Variants in LUZP2 observed in about 807,000 individuals in gnomAD.
LUZP2 encodes leucine zipper protein 2.
Under a neutral mutation model 51.6 loss-of-function variants are expected in LUZP2, and 52 were observed. That is an observed-to-expected ratio of 1.01 (90% CI 0.81 to 1.27). LUZP2 has a LOEUF of 1.27. LUZP2 is among the 50% of genes most tolerant of loss of function. The pLI, the probability that LUZP2 is intolerant of heterozygous loss-of-function variation, is 0.00. For synonymous variants in LUZP2, 154 were observed against 137.3 expected, an observed-to-expected ratio of 1.12 and a Z score of -0.85; for missense variants, 436 against 395.4, an observed-to-expected ratio of 1.10 and a Z score of -0.87.
chr11:24,573,527 G>T (rs1852508433), intron 1 of LUZP2, among the ~76,000 whole-genome samples: 1 of 151,894 alleles, frequency 6.6e-6, no homozygotes, highest in Non-Finnish European at 1.5e-5. Context: ...ATTATTATCT[G>T]GCAGTTGCAT....
chr11:24,617,215 A>AT lies in LUZP2; in HGVS notation c.63-111944dup, dbSNP rs35027145. 2.1e-3 allele frequency among the ~76,000 whole-genome samples: 315 copies of AT among 147,972 alleles called. No homozygotes were observed. The East Asian group carries it at 0.025, about 12-fold the overall frequency. On this transcript the variant is annotated intron_variant, in intron 1 of 11. Transcript: ENST00000336930. ...TTTCTATCAATCTTCATGTTCACTG[A>AT]TTTTTTTTTTCCCTCTGTACTTTCT...
intron 9 of LUZP2, among the ~76,000 whole-genome samples, chr11:24,991,681 C>T (rs570272573): frequency 1.3e-4 from 20 of 151,918 alleles, no homozygotes; most frequent in African/African-American, 4.6e-4. Flanking sequence ...TTTACATTCC[C>T]GCCAGCAGTG....
intron 1 of LUZP2, among the ~76,000 whole-genome samples, chr11:24,573,047 G>A (rs1852492830): frequency 6.6e-6 from 1 of 151,954 alleles, no homozygotes; most frequent in Admixed American, 6.6e-5. Flanking sequence ...AAAACAGCAT[G>A]AGACCATGAT....
intron 1 of LUZP2, among the ~76,000 whole-genome samples, chr11:24,625,083 A>T (rs566841031): frequency 6.6e-6 from 1 of 152,278 alleles, no homozygotes; most frequent in South Asian, 2.1e-4. Context: ...ATTAAGCCAG[A>T]TGCAGAAAGA....
At position 24,826,190 on chromosome 11, in the gene LUZP2, A is replaced by AAAAAAAATATATAT. The variant is rs1215786412; in HGVS notation, c.396+62883_396+62884insAAAAAATATATATA. Among the ~76,000 whole-genome samples, 231 of 67,550 alleles carry AAAAAAAATATATAT rather than the reference A, an allele frequency of 3.4e-3. 8 individuals are homozygous for AAAAAAAATATATAT. Among genetic ancestry groups the AAAAAAAATATATAT allele is most frequent in the African/African-American group, 0.012 (199 of 16,986 alleles). 44.3% of individuals were successfully genotyped at this position (67,550 alleles called of 152,430 possible). The stretch of plus-strand genomic sequence containing the variant: ...GACTCCATCTCAAAAAAAAAAAAAA[A>AAAAAAAATATATAT]ATATATATATATATATATAGTAAAA... On this transcript the variant is annotated intron_variant, in intron 5 of 11. Coordinates refer to ENST00000336930, the MANE Select transcript of LUZP2 (RefSeq NM_001009909.4).
intron 5 of LUZP2, among the ~76,000 whole-genome samples, chr11:24,834,086 T>C (rs892648350): frequency 2.0e-5 from 3 of 152,102 alleles, no homozygotes; most frequent in Non-Finnish European, 4.4e-5. Context: ...CCCTATATGG[T>C]ATTTTTTTTT....
At chr11:24,574,425 T>G (rs2133808267) in intron 1 of LUZP2, among the ~76,000 whole-genome samples, 1 of 150,526 alleles carries the variant, frequency 6.6e-6, no homozygotes, top group South Asian at 2.1e-4. Context: ...GTGTATGTAT[T>G]TGTGTGTTAG....
At chr11:24,568,522 C>A (rs1420684577) in intron 1 of LUZP2, among the ~76,000 whole-genome samples, 1 of 151,402 alleles carries the variant, frequency 6.6e-6, no homozygotes, top group Non-Finnish European at 1.5e-5. Context: ...AAAAACAGAG[C>A]CCTAAAATTT....
At chr11:24,790,953 T>G (rs1034757472) in intron 5 of LUZP2, among the ~76,000 whole-genome samples, 1 of 152,226 alleles carries the variant, frequency 6.6e-6, no homozygotes, top group Non-Finnish European at 1.5e-5. Flanking sequence ...ATGAGTGTCA[T>G]TGACCAATGT....
At chr11:24,957,996 G>C (rs886101984) in intron 7 of LUZP2, among the ~76,000 whole-genome samples, 8 of 152,086 alleles carry the variant, frequency 5.3e-5, no homozygotes, top group African/African-American at 1.7e-4. Context: ...GTGAGAATAT[G>C]CGATGTTTGG....
intron 1 of LUZP2, among the ~76,000 whole-genome samples, chr11:24,681,264 A>G (rs1856728851): frequency 6.6e-6 from 1 of 151,852 alleles, no homozygotes; most frequent in Non-Finnish European, 1.5e-5. Context: ...TACAGGTGTG[A>G]GCCACCGCGC....
At chr11:24,699,793 G>A (rs1857369065) in intron 1 of LUZP2, among the ~76,000 whole-genome samples, 1 of 148,828 alleles carries the variant, frequency 6.7e-6, no homozygotes, top group African/African-American at 2.4e-5. Flanking sequence ...TAATTTGGGA[G>A]TTAATAGAAT....
At chr11:24,699,688 G>GAC (rs1008410490) in intron 1 of LUZP2, among the ~76,000 whole-genome samples, 48 of 99,958 alleles carry the variant, frequency 4.8e-4, no homozygotes, top group East Asian at 1.3e-3. Flanking sequence ...TATATACACA[G>GAC]ACACACACAC....
chr11:24,566,315 ATTAT>A (rs1389026376), intron 1 of LUZP2, among the ~76,000 whole-genome samples: 13 of 41,418 alleles, frequency 3.1e-4, no homozygotes, highest in African/African-American at 8.2e-4. Context: ...TATTTATTGT[ATTAT>A]TTATTTATTT....
intron 7 of LUZP2, among the ~76,000 whole-genome samples, chr11:24,958,240 T>C (rs34053280): frequency 0.37 from 56,430 of 151,962 alleles, 12,641 homozygotes; most frequent in East Asian, 0.7. Context: ...TATAGCAGCA[T>C]GATTTATAGT....
rs7952651 is a variant in LUZP2 at position 24,641,849 on chromosome 11, C to T, written c.63-87320C>T. On this transcript the variant is annotated intron_variant, in intron 1 of 11. Coordinates refer to ENST00000336930, the MANE Select transcript of LUZP2 (RefSeq NM_001009909.4). ...ATAACACATTTCAAAATGTCAAAATCAAATAGTTCTCGAATTATTCAGTAG... is the reference window on the plus strand; with the variant it reads ...ATAACACATTTCAAAATGTCAAAATTAAATAGTTCTCGAATTATTCAGTAG... Among the ~76,000 whole-genome samples the T allele has an allele frequency of 1.5e-3, 221 of 151,940 alleles. 6 individuals carry two copies. Among genetic ancestry groups the T allele is most frequent in the African/African-American group, 5.0e-3 (207 of 41,278 alleles).
At chr11:24,870,712 T>A (rs1852043149) in intron 5 of LUZP2, among the ~76,000 whole-genome samples, 1 of 152,152 alleles carries the variant, frequency 6.6e-6, no homozygotes, top group African/African-American at 2.4e-5. Context: ...TTTTTATTTC[T>A]GCCACAGACT....
At chr11:24,970,492 G>T (rs534904224) in intron 7 of LUZP2, among the ~76,000 whole-genome samples, 11 of 152,152 alleles carry the variant, frequency 7.2e-5, no homozygotes, top group Non-Finnish European at 1.5e-4. Flanking sequence ...GGTGAAGGGA[G>T]AATTTTTAAA....
chr11:24,547,778 A>T (rs2133738392), intron 1 of LUZP2, among the ~76,000 whole-genome samples: 1 of 152,318 alleles, frequency 6.6e-6, no homozygotes, highest in Non-Finnish European at 1.5e-5. Flanking sequence ...GTAAACTGAC[A>T]TCCTACAAAG....
Sources: gnomAD v4.1 joint callset for allele counts (sites outside exome capture counted in the v4.1 genomes callset) on GRCh38, gnomAD v4.1.1 for gene constraint, MANE v1.5 for transcripts, NCBI Gene and HGNC (gene_info 2026-07-23, HGNC 2026-07-21) for gene names.